The following BAHCC1 variants were observed in gnomAD, a reference collection of about 807,000 sequenced individuals.
BAHCC1 encodes BAH domain and coiled-coil containing 1.
A neutral mutation model predicts 88.2 loss-of-function variants in BAHCC1; 43 were observed. The observed-to-expected ratio is 0.49, with a 90% CI of 0.38 to 0.63. The LOEUF (loss-of-function observed/expected upper bound fraction) is 0.63, where lower values mean the gene tolerates loss of function less well. BAHCC1 is among the 20% of genes least tolerant of loss of function. The probability of loss-of-function intolerance (pLI) is 0.00; values close to 1 mark genes in which losing one functional copy is unlikely to be tolerated. For synonymous variants in BAHCC1, 1,510 were observed against 745.5 expected, an observed-to-expected ratio of 2.03 and a Z score of -16.71; for missense variants, 3,023 against 1,654.8, an observed-to-expected ratio of 1.83 and a Z score of -14.34.
chr17:81,447,122 G>A lies in BAHCC1; in HGVS notation c.3250G>A (p.Glu1084Lys), dbSNP rs782211632. The change falls in exon 11 of 28, where the codon GAA becomes AAA. Residue 1084 changes from glutamate (E) to lysine (K), a missense_variant. By Grantham distance (56) the Glu-to-Lys change is moderately conservative. Coordinates refer to ENST00000675386, the MANE Select transcript of BAHCC1 (RefSeq NM_001377448.1). The part of the protein sequence containing the change: ...DVHSSNLEDP[E>K]TMQTTAPGAQ... ...GCACTCTTCTAACCTCGAGGACCCT[G>A]AAACTATGCAAACCACCGCCCCGGG... 7 of 779,114 alleles carry A rather than the reference G, an allele frequency of 9.0e-6. No homozygotes were observed. Among genetic ancestry groups the A allele is most frequent in the Non-Finnish European group, 1.4e-5 (6 of 417,880 alleles). The allele number at this position is 779,114 out of a possible 1,614,324, so 48.3% of individuals were successfully genotyped here.
chr17:81,453,593 C>A (rs1298558824), intron 14 of BAHCC1, among the ~76,000 whole-genome samples: 2 of 151,650 alleles, frequency 1.3e-5, no homozygotes, highest in Non-Finnish European at 2.9e-5. Flanking sequence ...ATATGGCTGC[C>A]CCCCCCCAGA....
In BAHCC1 at chr17:81,399,892, G is replaced by T; in HGVS notation, c.153G>T (p.Ser51=). Residue 51 remains serine, a synonymous_variant, in exon 2 of 28, where the codon TCG becomes TCT. Coordinates refer to ENST00000675386, the MANE Select transcript of BAHCC1 (RefSeq NM_001377448.1). The surrounding 1 kb of genome is among the most constrained non-coding windows in gnomAD (Gnocchi z 4.5). ...AHFQPGKYFP[S]PLPMASHTAS... Reference sequence around the variant, plus strand: ...TCCAGCCGGGAAAGTACTTCCCGTCGCCGTTGCCCATGGCTTCGCACACAG... The same window carrying T: ...TCCAGCCGGGAAAGTACTTCCCGTCTCCGTTGCCCATGGCTTCGCACACAG... 6.9e-7 allele frequency: 1 copy of T among 1,448,102 alleles called. No individual in the cohort carries two copies. The highest frequency in any genetic ancestry group is 3.1e-5 in the East Asian group (1 of 32,774). The allele number at this position is 1,448,102 out of a possible 1,614,324, so 89.7% of individuals were successfully genotyped here.
chr17:81,462,342 C>T (rs569737191), intron 26 of BAHCC1, among the ~76,000 whole-genome samples: 32 of 152,356 alleles, frequency 2.1e-4, no homozygotes, highest in East Asian at 7.7e-4. Flanking sequence ...TGATAAGTGG[C>T]GTGGCCAGCT....
At position 81,395,484 on chromosome 17, in the gene BAHCC1, T is replaced by C. The variant is rs1158344378; in HGVS notation, c.-358T>C. 1.3e-5 allele frequency: 2 copies of C among 152,222 alleles called. No individual in the cohort carries two copies. The highest frequency in any genetic ancestry group is 1.9e-4 in the East Asian group (1 of 5,190). The allele number at this position is 152,222 out of a possible 1,614,324, so 9.4% of individuals were successfully genotyped here. On this transcript the variant is annotated 5_prime_UTR_variant, in exon 1 of 28. Transcript: ENST00000675386. ...GCCAGGCTGCAGGTTTGAGAGCCGC[T>C]CTGGATGGGCTCGCTAGAGTCGTTG... is the stretch of plus-strand genomic sequence containing the variant.
chr17:81,406,738 C>T (rs959139071), intron 2 of BAHCC1, among the ~76,000 whole-genome samples: 2 of 152,188 alleles, frequency 1.3e-5, no homozygotes, highest in African/African-American at 4.8e-5. Context: ...GGATGGTGGG[C>T]GCTAGGTGTG....
At chr17:81,412,346 T>A (rs1406256701) in intron 2 of BAHCC1, among the ~76,000 whole-genome samples, 1 of 152,236 alleles carries the variant, frequency 6.6e-6, no homozygotes, top group Non-Finnish European at 1.5e-5. Flanking sequence ...TTGTAATGCA[T>A]TTTTGGGCTA....
intron 2 of BAHCC1, among the ~76,000 whole-genome samples, 176 bp from the exon 3 acceptor site, chr17:81,426,624 G>T (rs1481587065): frequency 6.6e-6 from 1 of 151,884 alleles, no homozygotes; most frequent in African/African-American, 2.4e-5. Context: ...GCAGTCAAAG[G>T]CATATGGGGG....
chr17:81,400,505 A>G (rs577532185), intron 2 of BAHCC1, among the ~76,000 whole-genome samples: 1 of 152,314 alleles, frequency 6.6e-6, no homozygotes, highest in African/African-American at 2.4e-5. Flanking sequence ...TGCCTCTGGT[A>G]TCCCGCTAAA....
chr17:81,458,690 A>G lies in BAHCC1; in HGVS notation c.5413A>G (p.Lys1805Glu). 4.1e-6 allele frequency: 3 copies of G among 727,020 alleles called. No homozygotes were observed. The highest frequency in any genetic ancestry group is 7.7e-6 in the Non-Finnish European group (3 of 390,734). 45.0% of individuals were successfully genotyped at this position (727,020 alleles called of 1,614,324 possible). The change falls in exon 19 of 28, where the codon AAG (lysine) becomes GAG (glutamate). Residue 1805 changes from lysine to glutamate, a missense_variant. Coordinates refer to ENST00000675386, the MANE Select transcript of BAHCC1 (RefSeq NM_001377448.1). ...CAAGGCCATCCTGGGGAAGGGCCGG[A>G]AGCTGAGCAAGGTGAAGCACAAGGC... ...NAKAILGKGR[K>E]LSKVKHKAGK...
Position 81,461,419 on chromosome 17 carries a change from G to A in BAHCC1, c.6756G>A (p.Val2252=), listed in dbSNP as rs1194577253. 2.7e-6 allele frequency: 2 copies of A among 727,968 alleles called. No individual in the cohort carries two copies. Among genetic ancestry groups the A allele is most frequent in the East Asian group, 5.0e-5 (2 of 40,202 alleles). 45.1% of individuals were successfully genotyped at this position (727,968 alleles called of 1,614,324 possible). A position where few individuals can be genotyped will look rare whatever the true frequency, so the allele number is the denominator to read the frequency against. ...PSPSYVHPAL[V]GKDKKGRAPI... is the part of the protein sequence containing the mutation. ...CCAGCTATGTGCACCCGGCCCTTGTGGGCAAGGACAAGAAGGGGCGGGCAC... is the reference window on the plus strand; with the variant it reads ...CCAGCTATGTGCACCCGGCCCTTGTAGGCAAGGACAAGAAGGGGCGGGCAC... The change falls in exon 26 of 28, where the codon GTG becomes GTA. Residue 2252 remains valine (V), a synonymous_variant. Transcript: ENST00000675386.
At chr17:81,429,728 GTGCCTGGCCAA>G (rs1164088739) in intron 3 of BAHCC1, among the ~76,000 whole-genome samples, 2 of 152,218 alleles carry the variant, frequency 1.3e-5, no homozygotes, top group African/African-American at 4.8e-5. Context: ...CAGGAGGCAG[GTGCCTGGCCAA>G]GCCAGCTTGC....
At chr17:81,451,617 G>T in intron 11 of BAHCC1, 51 bp from the exon 12 acceptor site, 2 of 734,672 alleles carry the variant, frequency 2.7e-6, no homozygotes, top group Non-Finnish European at 2.5e-6. Context: ...GAGCCTGTGA[G>T]GGGCAGTGTG....
rs1363836635 is a variant in BAHCC1, at chr17:81,458,097, ACAGT to A, written c.5042-64_5042-61del. The stretch of plus-strand genomic sequence containing the variant: ...TAGGTAACCAGGAGGGAGGACCGGC[ACAGT>A]CAGCCCAACCAGCCGGGTCTCTAGG... On this transcript the variant is annotated intron_variant, in intron 17 of 27. Coordinates refer to ENST00000675386, the MANE Select transcript of BAHCC1 (RefSeq NM_001377448.1). The A allele has an allele frequency of 7.1e-6, 5 of 702,872 alleles. No homozygotes were observed. In the East Asian group the frequency reaches 8.1e-5, roughly 11 times the overall value. 43.5% of individuals were successfully genotyped at this position (702,872 alleles called of 1,614,324 possible).
In BAHCC1 at chr17:81,399,911, C is replaced by T; in HGVS notation, c.172C>T (p.His58Tyr). ...YFPSPLPMAS[H>Y]TASSRLMGSS... ...CCCGTCGCCGTTGCCCATGGCTTCG[C>T]ACACAGGTCAGTGCTCGGCCGGGGC... Residue 58 changes from histidine (H) to tyrosine (Y), a missense_variant, in exon 2 of 28, where the codon CAC (histidine) becomes TAC (tyrosine). Physicochemically the swap from His to Tyr is moderately conservative, Grantham distance 83. Coordinates refer to ENST00000675386, the MANE Select transcript of BAHCC1 (RefSeq NM_001377448.1). This position sits in a 1 kb window ranked among gnomAD's most constrained non-coding sequence, Gnocchi z 4.5. 1 of 1,442,514 alleles carries T rather than the reference C, an allele frequency of 6.9e-7. No individual in the cohort carries two copies. The highest frequency in any genetic ancestry group is 9.1e-7 in the Non-Finnish European group (1 of 1,094,612). The allele number at this position is 1,442,514 out of a possible 1,614,324, so 89.4% of individuals were successfully genotyped here.
At position 81,435,741 on chromosome 17, in the gene BAHCC1, CA is replaced by C. The variant is rs1348635610; in HGVS notation, c.359-2628del. Reference sequence around the variant, plus strand: ...GAGCCCTCCCCAGGACCACCACCCCCACTCCTCAGTGGCAACCCCTTCCAGG... The same window carrying C: ...GAGCCCTCCCCAGGACCACCACCCCCCTCCTCAGTGGCAACCCCTTCCAGG... On this transcript the variant is annotated intron_variant, in intron 3 of 27. Transcript: ENST00000675386. The surrounding 1 kb of genome is among the most constrained non-coding windows in gnomAD (Gnocchi z 4.4). Among the ~76,000 whole-genome samples the C allele has an allele frequency of 1.1e-4, 16 of 152,010 alleles. No individual in the cohort carries two copies. The highest frequency in any genetic ancestry group is 3.9e-4 in the African/African-American group (16 of 41,444).
At chr17:81,456,739 TGG>T in intron 16 of BAHCC1, 154 bp downstream of exon 16, 1 of 572,830 alleles carries the variant, frequency 1.7e-6, no homozygotes, top group Non-Finnish European at 3.1e-6. Flanking sequence ...CTGAACAGGC[TGG>T]GGAAGGAGAT....
intron 17 of BAHCC1, among the ~76,000 whole-genome samples, chr17:81,457,810 C>CAGG (rs1568034181): frequency 2.2e-5 from 1 of 44,604 alleles, no homozygotes; most frequent in Non-Finnish European, 4.0e-5. Context: ...GCTGGGTAAC[C>CAGG]GGGGGGAGGG....
intron 2 of BAHCC1, among the ~76,000 whole-genome samples, chr17:81,416,087 C>CGTGTGTGTCCATGAGGATGGGTGT (rs1568001013): frequency 1.7e-5 from 2 of 117,760 alleles, no homozygotes; most frequent in African/African-American, 6.7e-5. Flanking sequence ...TGCGTGTGTG[C>CGTGTGTGTCCATGAGGATGGGTGT]GTGTGTGTCC....
At chr17:81,401,150 C>T (rs1555645972) in intron 2 of BAHCC1, 2 of 152,142 alleles carry the variant, frequency 1.3e-5, no homozygotes, top group Non-Finnish European at 2.9e-5. Context: ...GAAAGGAAAA[C>T]GTCGGAAAAA....
Sources: gnomAD v4.1 joint callset for allele counts (sites outside exome capture counted in the v4.1 genomes callset) on GRCh38, gnomAD v4.1.1 for gene constraint, Gnocchi (gnomAD v3.1) non-coding constraint, MANE v1.5 for transcripts, NCBI Gene and HGNC (gene_info 2026-07-23, HGNC 2026-07-21) for gene names.